The following LCP1 variants were observed in gnomAD, a reference collection of about 807,000 sequenced individuals.
The protein encoded by LCP1 is plastin-2.
Under a neutral mutation model 72.0 loss-of-function variants are expected in LCP1, and 23 were observed. The ratio of observed to expected loss-of-function variants is 0.32; its 90% CI spans 0.23 to 0.45. The LOEUF (loss-of-function observed/expected upper bound fraction) is 0.45. Among genes scored for constraint, LCP1 ranks in the 20% least tolerant of loss-of-function variants. The pLI, the probability that LCP1 is intolerant of heterozygous loss-of-function variation, is 1.00. For missense variants in LCP1, 571 were observed against 748.3 expected (o/e 0.76, Z 2.76); for synonymous variants, 245 against 275.4 (o/e 0.89, Z 1.09).
chr13:46,169,577 C>T (rs1000744735), intron 1 of LCP1: 2 of 152,188 alleles, frequency 1.3e-5, no homozygotes, highest in Non-Finnish European at 2.9e-5. Context: ...GCCAGTGCAC[C>T]CACTCCTCCT....
chr13:46,169,991 C>T (rs895000163), intron 1 of LCP1, among the ~76,000 whole-genome samples: 3 of 152,190 alleles, frequency 2.0e-5, no homozygotes, highest in African/African-American at 4.8e-5. Context: ...GTCCAGATCT[C>T]TGTAGTGTGG....
At position 46,163,608 on chromosome 13, in the gene LCP1, C is replaced by T. The variant is rs552083420; in HGVS notation, c.-24-3922G>A. ...TGTGACCCTGCCAAATCCCCCTCTG[C>T]GAGAAACACCCAAGAATGATCAATT... On this transcript the variant is annotated intron_variant, in intron 1 of 15. Transcript: ENST00000323076. 5.2e-3 allele frequency among the ~76,000 whole-genome samples: 738 copies of T among 141,664 alleles called. 4 individuals are homozygous for T. The highest frequency in any genetic ancestry group is 0.019 in the African/African-American group (700 of 37,380). 92.9% of individuals were successfully genotyped at this position (141,664 alleles called of 152,430 possible).
At chr13:46,162,866 C>G (rs2045851319) in intron 1 of LCP1, among the ~76,000 whole-genome samples, 1 of 149,510 alleles carries the variant, frequency 6.7e-6, no homozygotes, top group East Asian at 2.0e-4. Context: ...AGCGTCTCTG[C>G]ACGGCTGCCC....
chr13:46,144,083 G>GA (rs889431465), intron 11 of LCP1, among the ~76,000 whole-genome samples: 109 of 148,774 alleles, frequency 7.3e-4, no homozygotes, highest in Admixed American at 1.3e-3. Flanking sequence ...AAGAAATATT[G>GA]AAAAAAAAAA....
At chr13:46,170,569 C>T (rs1370436300) in intron 1 of LCP1, among the ~76,000 whole-genome samples, 1 of 152,136 alleles carries the variant, frequency 6.6e-6, no homozygotes, top group African/African-American at 2.4e-5. Context: ...GCAAACCCAC[C>T]TGGGATGCAC....
chr13:46,160,559 A>G (rs1381544897), intron 1 of LCP1, among the ~76,000 whole-genome samples: 1 of 152,204 alleles, frequency 6.6e-6, no homozygotes, highest in East Asian at 1.9e-4. Context: ...CTCATAATTC[A>G]GCTATGGGAA....
chr13:46,142,945 T>G (rs1473789034), intron 12 of LCP1: 1 of 348,098 alleles, frequency 2.9e-6, no homozygotes, highest in African/African-American at 2.2e-5. Flanking sequence ...ACAAACTGTT[T>G]GAACAAGTCA....
At position 46,162,249 on chromosome 13, in the gene LCP1, C is replaced by G. The variant is rs796568299; in HGVS notation, c.-24-2563G>C. Among the ~76,000 whole-genome samples the G allele has an allele frequency of 8.0e-5, 8 of 100,174 alleles. 1 individual carries two copies. The highest frequency in any genetic ancestry group is 3.1e-4 in the African/African-American group (8 of 25,564). The allele number at this position is 100,174 out of a possible 152,430, so 65.7% of individuals were successfully genotyped here. A position where few individuals can be genotyped will look rare whatever the true frequency, so the allele number is the denominator to read the frequency against. On this transcript the variant is annotated intron_variant, in intron 1 of 15. Transcript: ENST00000323076. ...TCACTAAACAATGAGTTCTCCCTCT[C>G]CCTCCCCCTCCCCCTCCCTCCCCCT...
chr13:46,131,051 C>G, intron 14 of LCP1, 113 bp from the exon 15 acceptor site: 1 of 1,073,806 alleles, frequency 9.3e-7, no homozygotes, highest in Non-Finnish European at 1.3e-6. Context: ...ACAGCCTGGT[C>G]TGGGAAATGC....
At chr13:46,144,605 TA>T in intron 10 of LCP1, 85 bp from the exon 11 acceptor site, 2 of 876,438 alleles carry the variant, frequency 2.3e-6, no homozygotes, top group Non-Finnish European at 3.8e-6. Context: ...GAGGATGCAA[TA>T]AAAACTGAAA....
chr13:46,149,924 T>C (rs563282912), intron 8 of LCP1, among the ~76,000 whole-genome samples: 1 of 152,358 alleles, frequency 6.6e-6, no homozygotes, highest in East Asian at 1.9e-4. Flanking sequence ...AGAATGTTAA[T>C]AGCCCATGAA....
chr13:46,141,458 C>A (rs1242672086), intron 13 of LCP1, among the ~76,000 whole-genome samples: 2 of 147,668 alleles, frequency 1.4e-5, no homozygotes, highest in African/African-American at 5.0e-5. Flanking sequence ...ATAAAATTAC[C>A]TAAAACCTGT....
At chr13:46,138,880 C>T (rs2045681076) in intron 13 of LCP1, among the ~76,000 whole-genome samples, 1 of 152,184 alleles carries the variant, frequency 6.6e-6, no homozygotes, top group African/African-American at 2.4e-5. Context: ...CTCCCGACCT[C>T]AGGTGATCCA....
intron 1 of LCP1, among the ~76,000 whole-genome samples, chr13:46,173,387 T>C (rs949767518): frequency 2.0e-5 from 3 of 151,836 alleles, no homozygotes; most frequent in Admixed American, 6.6e-5. Context: ...TTAAAATATA[T>C]ACAACAGTGC....
intron 8 of LCP1, chr13:46,148,814 G>T (rs1593951536): frequency 2.2e-6 from 2 of 909,726 alleles, no homozygotes; most frequent in Non-Finnish European, 2.6e-6. Context: ...GTCAGCTAAG[G>T]TTTAATTAAA....
intron 13 of LCP1, among the ~76,000 whole-genome samples, 198 bp downstream of exon 13, chr13:46,142,094 C>G (rs2045701938): frequency 6.6e-6 from 1 of 150,566 alleles, no homozygotes; most frequent in Admixed American, 6.6e-5. Flanking sequence ...AACCTAATAA[C>G]AGAGTTTCAC....
intron 9 of LCP1, among the ~76,000 whole-genome samples, chr13:46,147,552 C>A (rs1357311690): frequency 1.3e-5 from 2 of 152,204 alleles, no homozygotes; most frequent in Non-Finnish European, 2.9e-5. Context: ...CCAGTAAGAA[C>A]ATATGATTAG....
intron 13 of LCP1, among the ~76,000 whole-genome samples, chr13:46,135,136 A>C (rs1209165635): frequency 2.0e-5 from 3 of 147,704 alleles, no homozygotes; most frequent in Admixed American, 6.8e-5. Flanking sequence ...AAAAAAAAAA[A>C]CCCACACTGT....
chr13:46,172,821 T>C (rs1312122830), intron 1 of LCP1, among the ~76,000 whole-genome samples: 3 of 152,210 alleles, frequency 2.0e-5, no homozygotes, highest in African/African-American at 7.2e-5. Context: ...TAGAAAATAC[T>C]GCAAAGACAG....
Sources: gnomAD v4.1 joint callset for allele counts (sites outside exome capture counted in the v4.1 genomes callset) on GRCh38, gnomAD v4.1.1 for gene constraint, MANE v1.5 for transcripts, NCBI Gene and HGNC (gene_info 2026-07-23, HGNC 2026-07-21) for gene names.